The following CATSPERZ variants were observed in gnomAD, a reference collection of about 807,000 sequenced individuals.
The protein encoded by CATSPERZ is catsper channel auxiliary subunit zeta.
A neutral mutation model predicts 21.7 loss-of-function variants in CATSPERZ; 21 were observed. That is an observed-to-expected ratio of 0.97 (90% CI 0.69 to 1.39). The LOEUF is 1.39. Ranked by LOEUF, CATSPERZ falls within the 40% of genes most tolerant of loss-of-function variation. The pLI, the probability that CATSPERZ is intolerant of heterozygous loss-of-function variation, is 0.00. For missense variants in CATSPERZ, 234 were observed against 259.5 expected (o/e 0.90, Z 0.68); for synonymous variants, 127 against 108.7 (o/e 1.17, Z -1.05).
chr11:64,301,285 G>GT (rs1555077409), intron 2 of CATSPERZ, among the ~76,000 whole-genome samples: 32 of 152,062 alleles, frequency 2.1e-4, no homozygotes, highest in Admixed American at 1.2e-3. Context: ...TTTTTGTTTT[G>GT]TTTGTTTTGT....
chr11:64,301,025 G>A (rs776013464), intron 2 of CATSPERZ, 38 bp downstream of exon 2: 1 of 1,469,660 alleles, frequency 6.8e-7, no homozygotes, highest in Non-Finnish European at 9.1e-7. Context: ...CACCCGCAGG[G>A]CAATAAGCTG....
In CATSPERZ at chr11:64,300,380, C is replaced by T. The variant is rs774753414; in HGVS notation, c.-31C>T. On this transcript the variant is annotated 5_prime_UTR_variant, in exon 1 of 5. Transcript: ENST00000328404. Reference sequence around the variant, plus strand: ...GTTGACTCCCTTCTCGTCTCGAGGCCTGTGGCGTCTGGGTCCGTTGGGGCA... The same window carrying T: ...GTTGACTCCCTTCTCGTCTCGAGGCTTGTGGCGTCTGGGTCCGTTGGGGCA... 7.0e-7 allele frequency: 1 copy of T among 1,427,964 alleles called. No homozygotes were observed. Among genetic ancestry groups the T allele is most frequent in the African/African-American group, 1.4e-5 (1 of 69,974 alleles). The allele number at this position is 1,427,964 out of a possible 1,614,324, so 88.5% of individuals were successfully genotyped here.
intron 2 of CATSPERZ, among the ~76,000 whole-genome samples, chr11:64,302,999 A>T (rs2034952146): frequency 6.7e-6 from 1 of 149,922 alleles, no homozygotes; most frequent in African/African-American, 2.5e-5. Context: ...TCCCTGGTTC[A>T]AGTGATTCTC....
chr11:64,300,457 C>T (rs1334860504), intron 1 of CATSPERZ, 26 bp downstream of exon 1: 1 of 1,546,778 alleles, frequency 6.5e-7, no homozygotes, highest in Non-Finnish European at 8.8e-7. Context: ...AGGCCCCTTA[C>T]CCTGTCCGCT....
intron 4 of CATSPERZ, among the ~76,000 whole-genome samples, chr11:64,304,156 C>T (rs1410629757): frequency 6.6e-6 from 1 of 152,126 alleles, no homozygotes; most frequent in African/African-American, 2.4e-5. Context: ...GCCTCGACTG[C>T]CTCTGGTTGG....
intron 4 of CATSPERZ, 87 bp downstream of exon 4, chr11:64,303,926 GGT>G: frequency 7.4e-7 from 1 of 1,343,966 alleles, no homozygotes; most frequent in Admixed American, 2.2e-5. Context: ...GGGGTTTCAG[GGT>G]GCCTTATGTC....
chr11:64,301,667 C>T (rs2034929205), intron 2 of CATSPERZ, among the ~76,000 whole-genome samples: 1 of 151,860 alleles, frequency 6.6e-6, no homozygotes, highest in East Asian at 1.9e-4. Context: ...AGTCACTGCG[C>T]CCGGCCTTTG....
Position 64,304,593 on chromosome 11 carries a change from C to G in CATSPERZ, c.550C>G (p.Arg184Gly), listed in dbSNP as rs1164695402. 3.1e-6 allele frequency: 5 copies of G among 1,587,394 alleles called. No individual in the cohort carries two copies. The African/African-American group carries it at 6.7e-5, about 21-fold the overall frequency. Residue 184 changes from arginine (R) to glycine (G), a missense_variant, in exon 5 of 5, where the codon CGA becomes GGA. Arg to Gly is a moderately radical substitution (Grantham distance 125). Coordinates refer to ENST00000328404, the MANE Select transcript of CATSPERZ (RefSeq NM_001039496.2). ...RDHFLTKELQ[R>G]YIEGLKKRRS... is the part of the protein sequence containing the mutation. ...CCACTTCCTGACTAAGGAGCTGCAG[C>G]GATACATCGAAGGGCTCAAGAAGCG...
chr11:64,301,080 T>C, intron 2 of CATSPERZ, 93 bp downstream of exon 2: 9 of 1,214,896 alleles, frequency 7.4e-6, no homozygotes, highest in Non-Finnish European at 1.0e-5. Flanking sequence ...GGGAAGCTGA[T>C]GGGATCCAAG....
chr11:64,304,575 C>CT lies in CATSPERZ; in HGVS notation c.533dup (p.Thr179AspfsTer2). 6.3e-7 allele frequency: 1 copy of CT among 1,587,786 alleles called. No homozygotes were observed. Among genetic ancestry groups the CT allele is most frequent in the South Asian group, 1.1e-5 (1 of 87,132 alleles). On this transcript the variant is annotated frameshift_variant, in exon 5 of 5. Transcript: ENST00000328404. LOFTEE classifies it low-confidence loss of function (END_TRUNC). The stretch of plus-strand genomic sequence containing the variant: ...GTTAGGGATCGGCAGGGACCACTTC[C>CT]TGACTAAGGAGCTGCAGCGATACAT...
rs1291214825 is a variant in CATSPERZ, at chr11:64,304,677, G to A, written c.*31G>A. On this transcript the variant is annotated 3_prime_UTR_variant, in exon 5 of 5. Transcript: ENST00000328404. ...CCACCTTGGGCTCGAGCAGCGACCC[G>A]AACCAGCCCCGTGCCAGCCCGGTCC... is the stretch of plus-strand genomic sequence containing the variant. 4.5e-6 allele frequency: 7 copies of A among 1,542,504 alleles called. No individual in the cohort carries two copies. The Admixed American group carries it at 1.4e-4, about 30-fold the overall frequency.
At chr11:64,302,761 C>T (rs1447325098) in intron 2 of CATSPERZ, among the ~76,000 whole-genome samples, 2 of 151,644 alleles carry the variant, frequency 1.3e-5, no homozygotes, top group South Asian at 2.1e-4. Flanking sequence ...TTAGTAGAGA[C>T]GGTGTTTCAC....
In CATSPERZ at chr11:64,300,381, T is replaced by C. The variant is rs761961510; in HGVS notation, c.-30T>C. 6.3e-6 allele frequency: 9 copies of C among 1,425,316 alleles called. No individual in the cohort carries two copies. In the East Asian group the frequency reaches 1.1e-4, roughly 18 times the overall value. The allele number at this position is 1,425,316 out of a possible 1,614,324, so 88.3% of individuals were successfully genotyped here. Reference sequence around the variant, plus strand: ...TTGACTCCCTTCTCGTCTCGAGGCCTGTGGCGTCTGGGTCCGTTGGGGCAG... The same window carrying C: ...TTGACTCCCTTCTCGTCTCGAGGCCCGTGGCGTCTGGGTCCGTTGGGGCAG... On this transcript the variant is annotated 5_prime_UTR_variant, in exon 1 of 5. Transcript: ENST00000328404.
chr11:64,300,987 G>T lies in CATSPERZ; in HGVS notation c.352G>T (p.Glu118Ter). 1.3e-6 allele frequency: 2 copies of T among 1,534,162 alleles called. No homozygotes were observed. Among genetic ancestry groups the T allele is most frequent in the Non-Finnish European group, 1.8e-6 (2 of 1,135,590 alleles). Residue 118 changes from glutamate (E) to a stop codon, truncating the protein, a stop_gained and splice_region_variant, in exon 2 of 5, where the codon GAA becomes TAA. Coordinates refer to ENST00000328404, the MANE Select transcript of CATSPERZ (RefSeq NM_001039496.2). LOFTEE classifies it high-confidence loss of function. ...EKDTASQIEA[E>*]KSSSMSSLNI... is the part of the protein sequence containing the mutation. ...GGACACTGCATCCCAGATCGAGGCC[G>T]GTCAGTGTGGCCTCGCCAGGCCGTG... is the stretch of plus-strand genomic sequence containing the variant.
intron 4 of CATSPERZ, 57 bp from the exon 5 acceptor site, chr11:64,304,486 G>A: frequency 5.1e-6 from 7 of 1,380,212 alleles, no homozygotes; most frequent in Non-Finnish European, 7.0e-6. Flanking sequence ...GGCGCCCCCT[G>A]GTGGGGAGAC....
At chr11:64,301,906 A>G (rs1281429272) in intron 2 of CATSPERZ, among the ~76,000 whole-genome samples, 2 of 152,194 alleles carry the variant, frequency 1.3e-5, no homozygotes, top group Non-Finnish European at 1.5e-5. Context: ...CCTGGGCTCA[A>G]GTGATCCTCC....
At chr11:64,300,617 A>AT in intron 1 of CATSPERZ, 40 bp from the exon 2 acceptor site, 3 of 1,484,624 alleles carry the variant, frequency 2.0e-6, no homozygotes, top group Non-Finnish European at 2.7e-6. Context: ...CGCTCCAGCC[A>AT]TCCGCGACCC....
chr11:64,304,444 G>C, intron 4 of CATSPERZ, 99 bp from the exon 5 acceptor site: 1 of 876,696 alleles, frequency 1.1e-6, no homozygotes, highest in Non-Finnish European at 1.8e-6. Context: ...CTGCTACCTC[G>C]AATCATCTGC....
At chr11:64,304,256 G>A (rs2034978433) in intron 4 of CATSPERZ, among the ~76,000 whole-genome samples, 1 of 152,188 alleles carries the variant, frequency 6.6e-6, no homozygotes, top group South Asian at 2.1e-4. Context: ...AGGGCCAGCT[G>A]ATGGCTTAGA....
Sources: gnomAD v4.1 joint callset for allele counts (sites outside exome capture counted in the v4.1 genomes callset) on GRCh38, gnomAD v4.1.1 for gene constraint, MANE v1.5 for transcripts, NCBI Gene and HGNC (gene_info 2026-07-23, HGNC 2026-07-21) for gene names.